ARHGAP19: variants seen among roughly 807,000 people sequenced by gnomAD.
ARHGAP19 encodes the protein rho GTPase-activating protein 19.
ARHGAP19 carries 48 observed loss-of-function variants against 60.9 expected under a neutral mutation model. The ratio of observed to expected loss-of-function variants is 0.79; its 90% confidence interval spans 0.62 to 1.00. The LOEUF is 1.00. ARHGAP19 is among the 50% of genes least tolerant of loss of function. The pLI is 0.00. For missense variants in ARHGAP19, 562 were observed against 597.2 expected, an observed-to-expected ratio of 0.94 and a Z score of 0.61; for synonymous variants, 209 against 215.5, an observed-to-expected ratio of 0.97 and a Z score of 0.27.
chr10:97,237,292 C>T (rs1170927268), intron 8 of ARHGAP19, among the ~76,000 whole-genome samples: 2 of 146,472 alleles, frequency 1.4e-5, no homozygotes, highest in African/African-American at 2.5e-5. Flanking sequence ...ACTCAGTCTA[C>T]GGAAAACAAT....
chr10:97,223,833 T>C lies in ARHGAP19; in HGVS notation c.*2289A>G, dbSNP rs1022838108. The stretch of plus-strand genomic sequence containing the variant: ...TTACATATTACAAGGTAGAAGGTTA[T>C]GCTGCTTACTCCTCAAATTTGGATT... On this transcript the variant is annotated 3_prime_UTR_variant, in exon 12 of 12. Coordinates refer to ENST00000358531, the MANE Select transcript of ARHGAP19 (RefSeq NM_032900.6). 7 of 152,350 alleles carry C rather than the reference T, an allele frequency of 4.6e-5. No homozygotes were observed. Among genetic ancestry groups the C allele is most frequent in the African/African-American group, 1.7e-4 (7 of 41,584 alleles). 9.4% of individuals were successfully genotyped at this position (152,350 alleles called of 1,614,324 possible).
Position 97,223,020 on chromosome 10 carries a change from G to A in ARHGAP19, c.*3102C>T, listed in dbSNP as rs957103430. 19 of 152,162 alleles carry A rather than the reference G, an allele frequency of 1.2e-4. No homozygotes were observed. Among genetic ancestry groups the A allele is most frequent in the Admixed American group, 9.8e-4 (15 of 15,272 alleles). 9.4% of individuals were successfully genotyped at this position (152,162 alleles called of 1,614,324 possible). Reference sequence around the variant, plus strand: ...GCTGTGAGGGAAACTGAACAGAAACGTTCCTACTCAGGAGGAGAGAATGGC... The same window carrying A: ...GCTGTGAGGGAAACTGAACAGAAACATTCCTACTCAGGAGGAGAGAATGGC... On this transcript the variant is annotated 3_prime_UTR_variant, in exon 12 of 12. Transcript: ENST00000358531.
At chr10:97,241,018 T>C (rs1401709829) in intron 8 of ARHGAP19, among the ~76,000 whole-genome samples, 1 of 152,164 alleles carries the variant, frequency 6.6e-6, no homozygotes, top group African/African-American at 2.4e-5. Context: ...AAAATTATAG[T>C]TTCTTCAAAA....
At chr10:97,265,740 G>GA in intron 2 of ARHGAP19, 120 bp downstream of exon 2, 3 of 1,345,798 alleles carry the variant, frequency 2.2e-6, no homozygotes, top group Middle Eastern at 2.7e-4. Context: ...TATAAAAACT[G>GA]AAAAAATGGC....
Position 97,229,782 on chromosome 10 carries a change from G to T in ARHGAP19, c.1377C>A (p.Ser459Arg). The T allele has an allele frequency of 6.2e-7, 1 of 1,606,476 alleles. No homozygotes were observed. The highest frequency in any genetic ancestry group is 8.5e-7 in the Non-Finnish European group (1 of 1,174,032). ...SVAIGELKGT[S>R]KENRNLLFSG... ...GTCTTACTAAGTTCCTATTTTCTTT[G>T]CTGGTTCCCTTCAATTCACCAATGG... is the stretch of plus-strand genomic sequence containing the variant. Residue 459 changes from serine to arginine, a missense_variant, in exon 10 of 12, where the codon AGC (serine) becomes AGA (arginine). Ser to Arg is a moderately radical substitution (Grantham distance 110). Transcript: ENST00000358531.
intron 6 of ARHGAP19, among the ~76,000 whole-genome samples, chr10:97,252,518 G>A (rs986822756): frequency 6.6e-6 from 1 of 151,864 alleles, no homozygotes; most frequent in African/African-American, 2.4e-5. Context: ...CAGCTACTCG[G>A]GAGGCTGAGG....
intron 6 of ARHGAP19, among the ~76,000 whole-genome samples, chr10:97,252,451 T>G (rs1031907867): frequency 1.1e-4 from 17 of 150,164 alleles, no homozygotes; most frequent in Non-Finnish European, 2.4e-4. Context: ...TGAAACCCCG[T>G]CTCTACTAAA....
chr10:97,228,968 CT>C, intron 11 of ARHGAP19, 178 bp downstream of exon 11: 1 of 706,484 alleles, frequency 1.4e-6, no homozygotes, highest in South Asian at 1.5e-5. Flanking sequence ...CAAGACAATG[CT>C]GAGTAAATGG....
At chr10:97,290,183 CTA>C (rs1843212181) in intron 1 of ARHGAP19, among the ~76,000 whole-genome samples, 1 of 152,172 alleles carries the variant, frequency 6.6e-6, no homozygotes, top group East Asian at 1.9e-4. Flanking sequence ...CTCTTCTGGT[CTA>C]TGTTTGTTAT....
At chr10:97,270,896 T>G (rs1409135618) in intron 1 of ARHGAP19, among the ~76,000 whole-genome samples, 1 of 152,240 alleles carries the variant, frequency 6.6e-6, no homozygotes, top group Non-Finnish European at 1.5e-5. Flanking sequence ...CCATCACCAC[T>G]TAAGCTATGC....
chr10:97,241,048 C>T (rs1432258542), intron 8 of ARHGAP19, among the ~76,000 whole-genome samples: 2 of 152,088 alleles, frequency 1.3e-5, no homozygotes, highest in African/African-American at 4.8e-5. Flanking sequence ...AGGCTGGGTG[C>T]GGTGGCTCAC....
In ARHGAP19 at chr10:97,228,375, A is replaced by T. The variant is rs1049169768; in HGVS notation, c.1474+772T>A. On this transcript the variant is annotated intron_variant, in intron 11 of 11. Coordinates refer to ENST00000358531, the MANE Select transcript of ARHGAP19 (RefSeq NM_032900.6). ...CAGTAACAACTATAACCACTTGTTA[A>T]TGATTTAACAATGACAATGTGCTGC... is the stretch of plus-strand genomic sequence containing the variant. Among the ~76,000 whole-genome samples the T allele has an allele frequency of 2.6e-5, 4 of 152,246 alleles. 1 individual carries two copies. The South Asian group carries it at 8.3e-4, about 32-fold the overall frequency.
At chr10:97,236,803 G>GAAAAAAAAAAAAAAAAAAA (rs71007323) in intron 8 of ARHGAP19, among the ~76,000 whole-genome samples, 1 of 80,018 alleles carries the variant, frequency 1.2e-5, no homozygotes, top group Admixed American at 1.6e-4. Flanking sequence ...AACAGACTCA[G>GAAAAAAAAAAAAAAAAAAA]AAAAAAAAAA....
chr10:97,290,045 A>T (rs75563080), intron 1 of ARHGAP19, among the ~76,000 whole-genome samples: 8,422 of 152,242 alleles, frequency 0.055, 322 homozygotes, highest in Middle Eastern at 0.088. Context: ...GGGCAAAAAA[A>T]AAAAATGATC....
intron 1 of ARHGAP19, among the ~76,000 whole-genome samples, chr10:97,289,821 T>C (rs1210609037): frequency 2.1e-5 from 3 of 140,838 alleles, no homozygotes; most frequent in African/African-American, 8.1e-5. Context: ...ATCACTGCAC[T>C]CCAGCCTGGG....
chr10:97,272,193 T>A (rs145776927), intron 1 of ARHGAP19, among the ~76,000 whole-genome samples: 21 of 136,100 alleles, frequency 1.5e-4, no homozygotes, highest in Non-Finnish European at 3.1e-4. Context: ...TGGAGTGCAG[T>A]GGCACGATCT....
chr10:97,259,699 A>T (rs970606625), intron 4 of ARHGAP19, 71 bp from the exon 5 acceptor site: 2 of 1,105,984 alleles, frequency 1.8e-6, no homozygotes, highest in African/African-American at 3.1e-5. Context: ...TATCACCATT[A>T]TCCTCCCCTC....
intron 4 of ARHGAP19, among the ~76,000 whole-genome samples, chr10:97,260,131 G>A (rs974558047): frequency 1.1e-4 from 17 of 149,538 alleles, no homozygotes; most frequent in African/African-American, 2.2e-4. Flanking sequence ...CACAACACCC[G>A]GCCAAAATTT....
rs919132895 is a variant in ARHGAP19, at chr10:97,292,576, G to A, written c.52C>T (p.Arg18Trp). The A allele has an allele frequency of 1.9e-6, 3 of 1,614,142 alleles. No individual in the cohort carries two copies. Among genetic ancestry groups the A allele is most frequent in the South Asian group, 2.2e-5 (2 of 91,078 alleles). The stretch of plus-strand genomic sequence containing the variant: ...ACTGGACCAAACTCAGCTCACCTCC[G>A]GCCGGATTCGCGGGCTGGCACCTCC... ...EGEVPARESGRSDAICSFVIC... is the reference protein window; with the variant it reads ...EGEVPARESGWSDAICSFVIC... The change falls in exon 1 of 12, where the codon CGG (arginine) becomes TGG (tryptophan). Residue 18 changes from arginine (R) to tryptophan (W), a missense_variant. Physicochemically the swap from Arg to Trp is moderately radical, Grantham distance 101. Coordinates refer to ENST00000358531, the MANE Select transcript of ARHGAP19 (RefSeq NM_032900.6).
Sources: gnomAD v4.1 joint callset for allele counts (sites outside exome capture counted in the v4.1 genomes callset) on GRCh38, gnomAD v4.1.1 for gene constraint, MANE v1.5 for transcripts, NCBI Gene and HGNC (gene_info 2026-07-23, HGNC 2026-07-21) for gene names.